The following RAB11FIP4 variants were observed in gnomAD, a reference collection of about 807,000 sequenced individuals.
The protein encoded by RAB11FIP4 is RAB11 family interacting protein 4.
In RAB11FIP4, 23 loss-of-function variants were observed where a neutral mutation model predicts 74.3. The observed-to-expected ratio is 0.31, with a 90% CI of 0.22 to 0.44. The LOEUF (loss-of-function observed/expected upper bound fraction) is 0.44, where lower values mean the gene tolerates loss of function less well. Ranked by LOEUF, RAB11FIP4 falls within the 20% of genes least tolerant of loss-of-function variation. RAB11FIP4 has a pLI of 1.00. For synonymous variants in RAB11FIP4, 360 were observed against 359.9 expected (o/e 1.00, Z 0.00); for missense variants, 630 against 863.9 (o/e 0.73, Z 3.39).
intron 3 of RAB11FIP4, among the ~76,000 whole-genome samples, chr17:31,442,541 A>G (rs1056324895): frequency 6.6e-6 from 1 of 152,266 alleles, no homozygotes; most frequent in Non-Finnish European, 1.5e-5. Flanking sequence ...CTACAGTGGC[A>G]GAGCTGAAAA....
At chr17:31,489,053 C>A (rs2071957167) in intron 3 of RAB11FIP4, among the ~76,000 whole-genome samples, 1 of 152,228 alleles carries the variant, frequency 6.6e-6, no homozygotes, top group South Asian at 2.1e-4. Flanking sequence ...GAAATGACAC[C>A]TCACTCGCCC....
chr17:31,432,562 G>T (rs748562292), intron 2 of RAB11FIP4, among the ~76,000 whole-genome samples: 1 of 151,952 alleles, frequency 6.6e-6, no homozygotes, highest in Non-Finnish European at 1.5e-5. Context: ...GTTTTGTCAC[G>T]TTGTCCAGCC....
At chr17:31,531,562 G>C in intron 14 of RAB11FIP4, 54 bp from the exon 15 acceptor site, 1 of 1,220,530 alleles carries the variant, frequency 8.2e-7, no homozygotes, top group Non-Finnish European at 1.2e-6. Context: ...TCTGGACTCT[G>C]CCTGCACCCT....
intron 1 of RAB11FIP4, among the ~76,000 whole-genome samples, chr17:31,399,079 G>A (rs967168388): frequency 1.3e-5 from 2 of 152,268 alleles, no homozygotes; most frequent in East Asian, 1.9e-4. Context: ...TTCTGCCTCA[G>A]CCCTGGAGTG....
At chr17:31,526,918 TCAAAA>T (rs1021164333) in intron 10 of RAB11FIP4, 2 of 152,312 alleles carry the variant, frequency 1.3e-5, no homozygotes, top group African/African-American at 4.8e-5. Context: ...AGACTCCGTC[TCAAAA>T]CAGACAAACA....
At chr17:31,439,934 G>A (rs2071392727) in intron 3 of RAB11FIP4, among the ~76,000 whole-genome samples, 1 of 152,136 alleles carries the variant, frequency 6.6e-6, no homozygotes, top group African/African-American at 2.4e-5. Context: ...ACAGCAACAG[G>A]TTGAAATCTC....
At chr17:31,477,635 G>A (rs530244063) in intron 3 of RAB11FIP4, among the ~76,000 whole-genome samples, 1 of 152,366 alleles carries the variant, frequency 6.6e-6, no homozygotes, top group Non-Finnish European at 1.5e-5. Flanking sequence ...TGCGGTTTCT[G>A]CTCAGTGATT....
At chr17:31,492,211 C>T (rs560162259) in intron 3 of RAB11FIP4, among the ~76,000 whole-genome samples, 2 of 152,374 alleles carry the variant, frequency 1.3e-5, no homozygotes, top group South Asian at 2.1e-4. Flanking sequence ...TCTTCACTCC[C>T]TCTGCCTGTG....
rs1344464786 is a variant in RAB11FIP4, at chr17:31,524,919, C to G, written c.1134-171C>G. On this transcript the variant is annotated intron_variant, in intron 9 of 14. Coordinates refer to ENST00000621161, the MANE Select transcript of RAB11FIP4 (RefSeq NM_032932.6). ...TCCATGGCATGTGTGACCGACACCCCCTCTATATGTGCGGTGTCCCCGTTC... is the reference window on the plus strand; with the variant it reads ...TCCATGGCATGTGTGACCGACACCCGCTCTATATGTGCGGTGTCCCCGTTC... 10 of 765,332 alleles carry G rather than the reference C, an allele frequency of 1.3e-5. No individual in the cohort carries two copies. The East Asian group carries it at 2.7e-4, about 21-fold the overall frequency. 47.4% of individuals were successfully genotyped at this position (765,332 alleles called of 1,614,324 possible). A position where few individuals can be genotyped will look rare whatever the true frequency, so the allele number is the denominator to read the frequency against.
chr17:31,529,791 T>C (rs1173239535), intron 13 of RAB11FIP4, among the ~76,000 whole-genome samples: 1 of 152,148 alleles, frequency 6.6e-6, no homozygotes, highest in Non-Finnish European at 1.5e-5. Flanking sequence ...CCAACCCTTC[T>C]CCTAGTCTAG....
At chr17:31,451,604 A>G (rs1209694078) in intron 3 of RAB11FIP4, among the ~76,000 whole-genome samples, 4 of 151,984 alleles carry the variant, frequency 2.6e-5, no homozygotes, top group African/African-American at 9.7e-5. Context: ...TGCCCCTCCC[A>G]GATTCCCGGT....
chr17:31,438,043 C>G (rs527263136), intron 3 of RAB11FIP4, among the ~76,000 whole-genome samples: 140 of 152,266 alleles, frequency 9.2e-4, no homozygotes, highest in African/African-American at 3.2e-3. Flanking sequence ...GGGAAATTTG[C>G]TTCTGGTCAA....
intron 1 of RAB11FIP4, among the ~76,000 whole-genome samples, chr17:31,400,869 TG>T (rs1270529542): frequency 6.6e-6 from 1 of 152,204 alleles, no homozygotes; most frequent in Non-Finnish European, 1.5e-5. Context: ...TGGCACATCC[TG>T]GGCTCTTTCT....
At chr17:31,412,487 C>A (rs1441664847) in intron 1 of RAB11FIP4, among the ~76,000 whole-genome samples, 1 of 152,256 alleles carries the variant, frequency 6.6e-6, no homozygotes, top group Non-Finnish European at 1.5e-5. Context: ...CACATTGACA[C>A]TCTCTAAGAA....
At chr17:31,437,404 G>A (rs1481514242) in intron 3 of RAB11FIP4, among the ~76,000 whole-genome samples, 1 of 152,110 alleles carries the variant, frequency 6.6e-6, no homozygotes, top group Non-Finnish European at 1.5e-5. Context: ...GGGCAGGTCC[G>A]AATTTCTCAG....
At chr17:31,409,528 T>C (rs2071073723) in intron 1 of RAB11FIP4, among the ~76,000 whole-genome samples, 1 of 152,032 alleles carries the variant, frequency 6.6e-6, no homozygotes, top group African/African-American at 2.4e-5. Flanking sequence ...AAAATCAGGG[T>C]GCACTTACCA....
rs1309263704 is a variant in RAB11FIP4 at position 31,532,416 on chromosome 17, C to A, written c.*684C>A. ...TCATCCTGTACCTATAGAGTTCGTG[C>A]ACTCCCCCATCCATGCTACCTACCT... On this transcript the variant is annotated 3_prime_UTR_variant, in exon 15 of 15. Transcript: ENST00000621161. The A allele has an allele frequency of 6.5e-6, 1 of 152,718 alleles. No individual in the cohort carries two copies. The highest frequency in any genetic ancestry group is 2.4e-5 in the African/African-American group (1 of 41,434). The allele number at this position is 152,718 out of a possible 1,614,324, so 9.5% of individuals were successfully genotyped here.
intron 3 of RAB11FIP4, among the ~76,000 whole-genome samples, chr17:31,436,537 C>T (rs1341281797): frequency 6.6e-6 from 1 of 152,104 alleles, no homozygotes; most frequent in Non-Finnish European, 1.5e-5. Context: ...AAAGGTGGCA[C>T]ATGGAGAAAA....
chr17:31,518,979 C>T (rs1166767706), intron 4 of RAB11FIP4, among the ~76,000 whole-genome samples: 4 of 145,454 alleles, frequency 2.8e-5, no homozygotes, highest in Admixed American at 7.0e-5. Context: ...ACTACAGGCG[C>T]GTGCCACCAT....
Sources: gnomAD v4.1 joint callset for allele counts (sites outside exome capture counted in the v4.1 genomes callset) on GRCh38, gnomAD v4.1.1 for gene constraint, MANE v1.5 for transcripts, NCBI Gene and HGNC (gene_info 2026-07-23, HGNC 2026-07-21) for gene names.